CSMD3: variants seen among roughly 807,000 people sequenced by gnomAD.
The protein encoded by CSMD3 is CUB and Sushi multiple domains 3, also known as CUB and sushi domain-containing protein 3.
A neutral mutation model predicts 435.2 loss-of-function variants in CSMD3; 177 were observed. The observed-to-expected ratio is 0.41, with a 90% CI of 0.36 to 0.46. The LOEUF (loss-of-function observed/expected upper bound fraction) is 0.46. Ranked by LOEUF, CSMD3 falls within the 20% of genes least tolerant of loss-of-function variation. The pLI is 0.34. For synonymous variants in CSMD3, 1,656 were observed against 1,520.5 expected (o/e 1.09, Z -2.07); for missense variants, 4,265 against 4,504.6 (o/e 0.95, Z 1.52).
chr8:113,379,066 T>C (rs1258492392), intron 1 of CSMD3, among the ~76,000 whole-genome samples: 1 of 152,154 alleles, frequency 6.6e-6, no homozygotes, highest in Non-Finnish European at 1.5e-5. Context: ...CTAATAACAC[T>C]TCATTTACAT....
chr8:112,344,633 T>C (rs1825491369), intron 41 of CSMD3, among the ~76,000 whole-genome samples: 1 of 152,160 alleles, frequency 6.6e-6, no homozygotes, highest in Non-Finnish European at 1.5e-5. Flanking sequence ...CCTAGTCTTC[T>C]GTGATTTAAT....
chr8:113,133,310 A>C (rs2091331992), intron 4 of CSMD3, among the ~76,000 whole-genome samples: 1 of 152,276 alleles, frequency 6.6e-6, no homozygotes, highest in South Asian at 2.1e-4. Context: ...CAAATGAAAA[A>C]ATGCTCAACA....
intron 10 of CSMD3, among the ~76,000 whole-genome samples, chr8:112,898,685 C>A (rs1438616924): frequency 6.6e-6 from 1 of 151,014 alleles, no homozygotes; most frequent in Admixed American, 6.6e-5. Flanking sequence ...CATGTATATA[C>A]ATATATGTTT....
At chr8:113,272,808 C>T (rs957707006) in intron 3 of CSMD3, among the ~76,000 whole-genome samples, 2 of 151,892 alleles carry the variant, frequency 1.3e-5, no homozygotes, top group African/African-American at 4.8e-5. Flanking sequence ...TATTGTAAAA[C>T]ATATTGAAGT....
chr8:112,419,071 T>A (rs988035925), intron 32 of CSMD3, among the ~76,000 whole-genome samples: 3 of 152,156 alleles, frequency 2.0e-5, no homozygotes, highest in African/African-American at 2.4e-5. Flanking sequence ...GCATAAGGGA[T>A]GATTAGGGAT....
intron 12 of CSMD3, among the ~76,000 whole-genome samples, chr8:112,805,609 A>C (rs1041850647): frequency 4.6e-5 from 7 of 152,196 alleles, no homozygotes; most frequent in African/African-American, 1.7e-4. Context: ...GAAGAAAATA[A>C]ATTTATTGCT....
chr8:112,341,091 A>G (rs1162148613), intron 42 of CSMD3, among the ~76,000 whole-genome samples: 5 of 152,124 alleles, frequency 3.3e-5, no homozygotes, highest in Admixed American at 1.3e-4. Context: ...GTAAAAGAAC[A>G]TTTTACATAA....
intron 10 of CSMD3, among the ~76,000 whole-genome samples, chr8:112,888,905 C>T (rs1214931397): frequency 6.6e-6 from 1 of 151,520 alleles, no homozygotes; most frequent in Non-Finnish European, 1.5e-5. Context: ...AGAGATGAGG[C>T]CAAGAGGACT....
intron 9 of CSMD3, among the ~76,000 whole-genome samples, chr8:112,932,131 A>G (rs945270088): frequency 1.3e-5 from 2 of 152,214 alleles, no homozygotes; most frequent in Non-Finnish European, 2.9e-5. Flanking sequence ...GTCCTTTGGG[A>G]TATCTGCATT....
At chr8:113,230,841 G>C (rs1417418764) in intron 3 of CSMD3, among the ~76,000 whole-genome samples, 1 of 151,390 alleles carries the variant, frequency 6.6e-6, no homozygotes, top group Non-Finnish European at 1.5e-5. Flanking sequence ...AATTTCTCAT[G>C]TAATAATACT....
rs11384093 is a variant in CSMD3, at chr8:112,382,291, C to CAAAA, written c.6031+1272_6031+1275dup. Among the ~76,000 whole-genome samples, 43 of 116,774 alleles carry CAAAA rather than the reference C, an allele frequency of 3.7e-4. 2 individuals are homozygous for CAAAA. In the East Asian group the frequency reaches 5.4e-3, roughly 15 times the overall value. The allele number at this position is 116,774 out of a possible 152,430, so 76.6% of individuals were successfully genotyped here. A position where few individuals can be genotyped will look rare whatever the true frequency, so the allele number is the denominator to read the frequency against. Reference sequence around the variant, plus strand: ...AGAGCCAGACCCTGTCTCTAAAATGCAAAAAAAAAAAAAAAATTAATAATA... The same window carrying CAAAA: ...AGAGCCAGACCCTGTCTCTAAAATGCAAAAAAAAAAAAAAAAAAAATTAATAATA... On this transcript the variant is annotated intron_variant, in intron 37 of 70. Coordinates refer to ENST00000297405, the MANE Select transcript of CSMD3 (RefSeq NM_198123.2).
At chr8:112,731,329 A>G (rs1206422072) in intron 13 of CSMD3, among the ~76,000 whole-genome samples, 1 of 152,142 alleles carries the variant, frequency 6.6e-6, no homozygotes, top group Non-Finnish European at 1.5e-5. Context: ...CATAGTAATG[A>G]CATCAAATAG....
intron 13 of CSMD3, among the ~76,000 whole-genome samples, chr8:112,754,812 C>G (rs1489471943): frequency 6.6e-6 from 1 of 152,168 alleles, no homozygotes; most frequent in Non-Finnish European, 1.5e-5. Flanking sequence ...TTCTGTTACC[C>G]TTTTGACTTC....
intron 41 of CSMD3, 88 bp downstream of exon 41, chr8:112,346,000 GTGAAGATTT>G (rs1825634825): frequency 2.5e-6 from 2 of 809,796 alleles, no homozygotes; most frequent in Non-Finnish European, 4.4e-6. Flanking sequence ...ACTGCAATTT[GTGAAGATTT>G]TATAAATTCT....
intron 1 of CSMD3, among the ~76,000 whole-genome samples, chr8:113,378,189 T>A (rs2094397926): frequency 6.6e-6 from 1 of 152,200 alleles, no homozygotes; most frequent in African/African-American, 2.4e-5. Context: ...CTAAGCACAG[T>A]GAGTCATTTG....
intron 13 of CSMD3, among the ~76,000 whole-genome samples, chr8:112,717,249 C>T (rs758748133): frequency 5.9e-5 from 9 of 151,520 alleles, no homozygotes; most frequent in East Asian, 3.9e-4. Context: ...CCATAAAAGG[C>T]GGGTGAAGGA....
At chr8:112,288,526 A>G (rs1819440456) in intron 57 of CSMD3, among the ~76,000 whole-genome samples, 1 of 152,078 alleles carries the variant, frequency 6.6e-6, no homozygotes, top group African/African-American at 2.4e-5. Flanking sequence ...AAAATAATGT[A>G]AAACAACTCC....
At chr8:113,225,188 A>G (rs1274606310) in intron 3 of CSMD3, among the ~76,000 whole-genome samples, 1 of 151,404 alleles carries the variant, frequency 6.6e-6, no homozygotes, top group Non-Finnish European at 1.5e-5. Flanking sequence ...ATCAAATTTG[A>G]TTAATAATTA....
At chr8:113,144,092 T>TTTA (rs1275629211) in intron 4 of CSMD3, among the ~76,000 whole-genome samples, 2 of 150,024 alleles carry the variant, frequency 1.3e-5, no homozygotes, top group East Asian at 2.0e-4. Flanking sequence ...TATAGTTATT[T>TTTA]TTATTATTAT....
Sources: gnomAD v4.1 joint callset for allele counts (sites outside exome capture counted in the v4.1 genomes callset) on GRCh38, gnomAD v4.1.1 for gene constraint, MANE v1.5 for transcripts, NCBI Gene and HGNC (gene_info 2026-07-23, HGNC 2026-07-21) for gene names.